The following RBFOX1 variants were observed in gnomAD, a reference collection of about 807,000 sequenced individuals.
RBFOX1 encodes the protein RNA binding fox-1 homolog 1.
RBFOX1 carries 8 observed loss-of-function variants against 57.7 expected under a neutral mutation model. The observed-to-expected ratio is 0.14, with a 90% confidence interval of 0.08 to 0.25. The LOEUF (loss-of-function observed/expected upper bound fraction) is 0.25, where lower values mean the gene tolerates loss of function less well. RBFOX1 is among the 10% of genes least tolerant of loss of function. RBFOX1 has a pLI of 1.00. For missense variants in RBFOX1, 611 were observed against 548.5 expected, an observed-to-expected ratio of 1.11 and a Z score of -1.14; for synonymous variants, 326 against 222.4, an observed-to-expected ratio of 1.47 and a Z score of -4.15.
At chr16:7,659,739 G>A (rs1331991934) in intron 12 of RBFOX1, among the ~76,000 whole-genome samples, 1 of 152,194 alleles carries the variant, frequency 6.6e-6, no homozygotes, top group Non-Finnish European at 1.5e-5. Flanking sequence ...TATAAAGTGT[G>A]ACTTCTTATT....
intron 1 of RBFOX1, among the ~76,000 whole-genome samples, chr16:6,236,256 A>G (rs1316970547): frequency 6.6e-6 from 1 of 152,122 alleles, no homozygotes; most frequent in Non-Finnish European, 1.5e-5. Context: ...TCCTGGCACC[A>G]CCACCTTGAC....
At chr16:6,402,648 A>T (rs944339690) in intron 2 of RBFOX1, among the ~76,000 whole-genome samples, 1 of 152,228 alleles carries the variant, frequency 6.6e-6, no homozygotes, top group Non-Finnish European at 1.5e-5. Flanking sequence ...CACAATACCT[A>T]TGTAAACACA....
chr16:6,799,061 T>G (rs1478386488), intron 3 of RBFOX1, among the ~76,000 whole-genome samples: 1 of 152,120 alleles, frequency 6.6e-6, no homozygotes, highest in Non-Finnish European at 1.5e-5. Flanking sequence ...CTATATTTGG[T>G]AGCTTATAAT....
At chr16:6,912,861 C>A (rs910185023) in intron 3 of RBFOX1, among the ~76,000 whole-genome samples, 2 of 152,080 alleles carry the variant, frequency 1.3e-5, no homozygotes, top group African/African-American at 4.8e-5. Flanking sequence ...CTCAAGTGAT[C>A]CTCTTGCCTT....
At chr16:6,074,341 C>G (rs2095871276) in intron 1 of RBFOX1, among the ~76,000 whole-genome samples, 1 of 152,238 alleles carries the variant, frequency 6.6e-6, no homozygotes, top group South Asian at 2.1e-4. Context: ...ACTAGTAATT[C>G]CAGCACAAAC....
At chr16:5,415,350 G>C (rs1448776031) in intron 1 of RBFOX1, among the ~76,000 whole-genome samples, 1 of 152,084 alleles carries the variant, frequency 6.6e-6, no homozygotes, top group Non-Finnish European at 1.5e-5. Flanking sequence ...GCTATCACGA[G>C]AACAGCATAG....
chr16:5,819,188 G>A (rs893377675), intron 3 of RBFOX1, among the ~76,000 whole-genome samples: 1 of 152,142 alleles, frequency 6.6e-6, no homozygotes, highest in East Asian at 1.9e-4. Context: ...GGTGTCAGCA[G>A]CTTCAGTGTC....
intron 2 of RBFOX1, among the ~76,000 whole-genome samples, chr16:6,615,811 C>T (rs151034017): frequency 2.9e-4 from 44 of 152,256 alleles, no homozygotes; most frequent in Non-Finnish European, 6.2e-4. Context: ...TGGATGGAGA[C>T]ACAGCCGCAT....
At chr16:5,302,813 A>G (rs755869779) in intron 1 of RBFOX1, among the ~76,000 whole-genome samples, 3 of 152,056 alleles carry the variant, frequency 2.0e-5, no homozygotes, top group Non-Finnish European at 4.4e-5. Context: ...TTTAATCTTT[A>G]TGTGTTGTGT....
intron 2 of RBFOX1, among the ~76,000 whole-genome samples, chr16:6,510,564 G>T (rs745606106): frequency 6.6e-6 from 1 of 152,142 alleles, no homozygotes. Flanking sequence ...GGAGTCTGTT[G>T]GATTCCATGT....
chr16:5,833,200 A>C (rs771466518), intron 3 of RBFOX1, among the ~76,000 whole-genome samples: 9 of 152,192 alleles, frequency 5.9e-5, no homozygotes, highest in Non-Finnish European at 1.0e-4. Flanking sequence ...TATCTGTATC[A>C]ATATGAAATC....
At chr16:6,337,589 T>C (rs1285214198) in intron 2 of RBFOX1, among the ~76,000 whole-genome samples, 1 of 152,232 alleles carries the variant, frequency 6.6e-6, no homozygotes, top group Non-Finnish European at 1.5e-5. Flanking sequence ...AGCAGCCCAG[T>C]AGAGGCAGAT....
intron 4 of RBFOX1, among the ~76,000 whole-genome samples, chr16:7,477,163 C>A (rs890108190): frequency 2.6e-5 from 4 of 152,136 alleles, no homozygotes; most frequent in Non-Finnish European, 1.5e-5. Context: ...AAACCAACTA[C>A]AAATAAATGG....
chr16:6,716,187 T>G (rs1223559197), intron 3 of RBFOX1, among the ~76,000 whole-genome samples: 1 of 152,230 alleles, frequency 6.6e-6, no homozygotes, highest in Non-Finnish European at 1.5e-5. Context: ...TTATAATACC[T>G]TTCTAATAAT....
chr16:6,298,948 C>T (rs914388746), intron 1 of RBFOX1, among the ~76,000 whole-genome samples: 5 of 152,150 alleles, frequency 3.3e-5, no homozygotes, highest in African/African-American at 1.2e-4. Context: ...CCTTGGTAGG[C>T]ACTGGTATTC....
At chr16:6,980,992 G>A (rs544180634) in intron 3 of RBFOX1, among the ~76,000 whole-genome samples, 2 of 123,986 alleles carry the variant, frequency 1.6e-5, no homozygotes, top group African/African-American at 3.2e-5. Context: ...GCAGTCTGCC[G>A]AGATCACGCC....
At chr16:5,645,966 A>T (rs2151344661) in intron 3 of RBFOX1, among the ~76,000 whole-genome samples, 1 of 151,634 alleles carries the variant, frequency 6.6e-6, no homozygotes, top group South Asian at 2.1e-4. Flanking sequence ...CTCCTGAGTG[A>T]GTAGGACTAT....
chr16:7,002,078 T>A (rs146009180), intron 3 of RBFOX1, among the ~76,000 whole-genome samples: 1 of 151,708 alleles, frequency 6.6e-6, no homozygotes, highest in African/African-American at 2.4e-5. Context: ...TGGGGGACTT[T>A]GCTCTTAGAC....
At chr16:5,929,988 A>G (rs1204536922) in intron 4 of RBFOX1, among the ~76,000 whole-genome samples, 1 of 151,914 alleles carries the variant, frequency 6.6e-6, no homozygotes, top group Non-Finnish European at 1.5e-5. Flanking sequence ...AGACGGATGC[A>G]CTACGAAGCA....
Sources: allele counts gnomAD v4.1 joint callset (sites outside exome capture counted in the v4.1 genomes callset), GRCh38; gene constraint gnomAD v4.1.1; transcripts MANE v1.5; gene names NCBI Gene and HGNC (gene_info 2026-07-23, HGNC 2026-07-21).